The following CPNE4 variants were observed in gnomAD, a reference collection of about 807,000 sequenced individuals.
The protein encoded by CPNE4 is copine-4.
CPNE4 carries 25 observed loss-of-function variants against 67.9 expected under a neutral mutation model. The observed-to-expected ratio is 0.37, with a 90% CI of 0.27 to 0.51. The LOEUF (loss-of-function observed/expected upper bound fraction) is 0.51. Ranked by LOEUF, CPNE4 falls within the 20% of genes least tolerant of loss-of-function variation. The pLI is 0.93. For missense variants in CPNE4, 464 were observed against 690.8 expected (o/e 0.67, Z 3.68); for synonymous variants, 242 against 244.9 (o/e 0.99, Z 0.11).
intron 6 of CPNE4, 63 bp downstream of exon 6, chr3:131,685,812 C>A (rs1463624812): frequency 1.6e-5 from 18 of 1,137,484 alleles, no homozygotes; most frequent in Non-Finnish European, 2.2e-5. Context: ...AGGAGTTTCT[C>A]AAAATAGGTC....
intron 1 of CPNE4, among the ~76,000 whole-genome samples, chr3:131,986,570 G>C (rs1209792020): frequency 6.6e-6 from 1 of 152,152 alleles, no homozygotes; most frequent in African/African-American, 2.4e-5. Context: ...TTCTCTCCTA[G>C]CATGGATCAG....
At chr3:131,563,987 A>G (rs2031833025) in intron 11 of CPNE4, among the ~76,000 whole-genome samples, 1 of 152,056 alleles carries the variant, frequency 6.6e-6, no homozygotes, top group Non-Finnish European at 1.5e-5. Flanking sequence ...ATTGCTATCC[A>G]ATCGTCTTGC....
intron 14 of CPNE4, among the ~76,000 whole-genome samples, chr3:131,545,971 AGAATCATTTGAACTAGG>A (rs1371461733): frequency 6.6e-6 from 1 of 152,174 alleles, no homozygotes; most frequent in Non-Finnish European, 1.5e-5. Context: ...CTAAGGCAGG[AGAATCATTTGAACTAGG>A]GAGTCAGAGG....
Position 132,023,479 on chromosome 3 carries a change from C to CTTT in CPNE4, c.-2+11085_-2+11087dup, listed in dbSNP as rs575505348. Among the ~76,000 whole-genome samples the CTTT allele has an allele frequency of 2.1e-4, 18 of 84,624 alleles. 1 individual carries two copies. The highest frequency in any genetic ancestry group is 3.2e-4 in the Non-Finnish European group (15 of 47,090). The allele number at this position is 84,624 out of a possible 152,430, so 55.5% of individuals were successfully genotyped here. A position where few individuals can be genotyped will look rare whatever the true frequency, so the allele number is the denominator to read the frequency against. ...AAAGGCAATTGCAAAGCAGATCAGC[C>CTTT]TTTTTTTTTTTTTTTTTTTTTTTTT... On this transcript the variant is annotated intron_variant, in intron 1 of 15. Transcript: ENST00000429747.
rs367847704 is a variant in CPNE4 at position 131,866,782 on chromosome 3, A to G, written c.180+38482T>C. On this transcript the variant is annotated intron_variant, in intron 2 of 15. Transcript: ENST00000429747. ...TAACATGGAAACAGGGAAGATTCAT[A>G]AGGTAATTGCTGTTGTGTAAAGTGA... 7.2e-5 allele frequency among the ~76,000 whole-genome samples: 11 copies of G among 152,362 alleles called. No homozygotes were observed. The East Asian group carries it at 1.9e-3, about 27-fold the overall frequency.
rs149811037 is a variant in CPNE4, at chr3:131,940,845, CT to C, written c.-1-35402del. Among the ~76,000 whole-genome samples the C allele has an allele frequency of 3.4e-3, 517 of 152,086 alleles. 11 individuals carry two copies. In the East Asian group the frequency reaches 0.047, roughly 14 times the overall value. ...TTTCTTCTATATATTCAAGCTGACC[CT>C]TTTTAGCAGAATAATAGTAAGTAAA... is the stretch of plus-strand genomic sequence containing the variant. On this transcript the variant is annotated intron_variant, in intron 1 of 15. Transcript: ENST00000429747.
intron 2 of CPNE4, among the ~76,000 whole-genome samples, chr3:131,792,711 G>GTA (rs1407332682): frequency 2.9e-5 from 3 of 103,708 alleles, no homozygotes; most frequent in Non-Finnish European, 3.8e-5. Flanking sequence ...ACACACACGT[G>GTA]TATATATGTA....
chr3:131,883,272 G>C (rs9844767), intron 2 of CPNE4, among the ~76,000 whole-genome samples: 43,605 of 151,734 alleles, frequency 0.29, 7,288 homozygotes, highest in Non-Finnish European at 0.37. Context: ...CTCCCCCAGT[G>C]TTACCCATCA....
chr3:131,674,890 A>G (rs2080519694), intron 6 of CPNE4, among the ~76,000 whole-genome samples: 1 of 151,046 alleles, frequency 6.6e-6, no homozygotes. Context: ...TGGTTCTTTG[A>G]GATACATTTT....
In CPNE4 at chr3:131,712,166, G is replaced by A. The variant is rs79220155; in HGVS notation, c.360+11280C>T. On this transcript the variant is annotated intron_variant, in intron 3 of 15. Coordinates refer to ENST00000429747, the MANE Select transcript of CPNE4 (RefSeq NM_130808.3). ...GTCTTACTCCTCCACCTGAGTGTGAGTTCTTTGAAGTCAGCATGCGGGTCT... is the reference window on the plus strand; with the variant it reads ...GTCTTACTCCTCCACCTGAGTGTGAATTCTTTGAAGTCAGCATGCGGGTCT... Among the ~76,000 whole-genome samples the A allele has an allele frequency of 1.5e-3, 228 of 152,306 alleles. 2 individuals carry two copies. The East Asian group carries it at 0.039, about 26-fold the overall frequency.
intron 1 of CPNE4, among the ~76,000 whole-genome samples, chr3:131,997,681 A>G (rs1029531386): frequency 1.3e-5 from 2 of 152,116 alleles, no homozygotes; most frequent in Admixed American, 1.3e-4. Flanking sequence ...TAGGTGCAAT[A>G]TGGAGAACAT....
intron 15 of CPNE4, 92 bp from the exon 16 acceptor site, chr3:131,535,421 G>T: frequency 7.7e-7 from 1 of 1,299,550 alleles, no homozygotes; most frequent in South Asian, 1.7e-5. Flanking sequence ...GGGCAGCTAA[G>T]TTTCATTCAC....
intron 2 of CPNE4, among the ~76,000 whole-genome samples, chr3:131,743,355 A>G (rs547867331): frequency 6.6e-6 from 1 of 152,358 alleles, no homozygotes; most frequent in African/African-American, 2.4e-5. Context: ...CAAAATAGAT[A>G]ATTATAATGT....
intron 7 of CPNE4, among the ~76,000 whole-genome samples, chr3:131,602,847 G>A (rs918898879): frequency 3.9e-5 from 6 of 152,172 alleles, no homozygotes; most frequent in African/African-American, 7.2e-5. Flanking sequence ...TTTGGGGACT[G>A]ATGGGTGGTT....
chr3:131,749,988 G>A (rs2082584813), intron 2 of CPNE4, among the ~76,000 whole-genome samples: 1 of 152,032 alleles, frequency 6.6e-6, no homozygotes, highest in Non-Finnish European at 1.5e-5. Context: ...ATGACATTGT[G>A]GGAGGCATCA....
chr3:131,782,996 A>T (rs1245513586), intron 2 of CPNE4, among the ~76,000 whole-genome samples: 2 of 152,020 alleles, frequency 1.3e-5, no homozygotes, highest in East Asian at 3.9e-4. Context: ...ATGGTTTAAG[A>T]ATCCTGGCTG....
At chr3:131,998,647 CTG>C (rs1269403415) in intron 1 of CPNE4, among the ~76,000 whole-genome samples, 1 of 152,196 alleles carries the variant, frequency 6.6e-6, no homozygotes, top group East Asian at 1.9e-4. Context: ...CACTGAGAAA[CTG>C]TTCCTATTTA....
intron 10 of CPNE4, among the ~76,000 whole-genome samples, chr3:131,564,821 A>T (rs1559905902): frequency 6.6e-6 from 1 of 152,064 alleles, no homozygotes; most frequent in East Asian, 1.9e-4. Flanking sequence ...TGTTTCCATG[A>T]GTGGCCAGAT....
chr3:131,643,979 T>G (rs957247607), intron 7 of CPNE4, among the ~76,000 whole-genome samples: 6 of 152,126 alleles, frequency 3.9e-5, no homozygotes, highest in African/African-American at 1.2e-4. Context: ...TATTTCTTCA[T>G]AGCAGCGCGA....
Sources: gnomAD v4.1 joint callset for allele counts (sites outside exome capture counted in the v4.1 genomes callset) on GRCh38, gnomAD v4.1.1 for gene constraint, MANE v1.5 for transcripts, NCBI Gene and HGNC (gene_info 2026-07-23, HGNC 2026-07-21) for gene names.